Variants in KIAA1217 observed in about 807,000 individuals in gnomAD.
KIAA1217 encodes sickle tail protein homolog.
In KIAA1217, 88 loss-of-function variants were observed where a neutral mutation model predicts 163.9. The observed-to-expected ratio is 0.54, with a 90% CI of 0.45 to 0.64. The LOEUF (loss-of-function observed/expected upper bound fraction) is 0.64, where lower values mean the gene tolerates loss of function less well. KIAA1217 is among the 30% of genes least tolerant of loss of function. The probability of loss-of-function intolerance (pLI) is 0.00; values close to 1 mark genes in which losing one functional copy is unlikely to be tolerated. For synonymous variants in KIAA1217, 903 were observed against 923.1 expected (o/e 0.98, Z 0.39); for missense variants, 2,372 against 2,475.0 (o/e 0.96, Z 0.88).
chr10:23,708,777 A>G (rs1371312014), intron 1 of KIAA1217, among the ~76,000 whole-genome samples: 1 of 152,156 alleles, frequency 6.6e-6, no homozygotes, highest in Admixed American at 6.5e-5. Flanking sequence ...TAATGCAAAA[A>G]ACATATATGG....
chr10:23,751,855 G>A (rs1245811898), intron 1 of KIAA1217, among the ~76,000 whole-genome samples: 2 of 152,170 alleles, frequency 1.3e-5, no homozygotes, highest in Admixed American at 6.5e-5. Context: ...AGCTGTTCAG[G>A]CTGAGGATTT....
At chr10:24,111,724 A>T (rs993591151) in intron 2 of KIAA1217, among the ~76,000 whole-genome samples, 2 of 152,152 alleles carry the variant, frequency 1.3e-5, no homozygotes, top group African/African-American at 4.8e-5. Context: ...TTTTGCAGCA[A>T]AAATTTCAGA....
intron 2 of KIAA1217, among the ~76,000 whole-genome samples, chr10:24,066,109 G>A (rs1297592045): frequency 1.3e-5 from 2 of 152,164 alleles, no homozygotes; most frequent in Non-Finnish European, 2.9e-5. Context: ...TTGCCAGTCT[G>A]TGCCTTTTAA....
At chr10:24,113,840 C>G (rs2131751113) in intron 2 of KIAA1217, among the ~76,000 whole-genome samples, 1 of 152,310 alleles carries the variant, frequency 6.6e-6, no homozygotes, top group African/African-American at 2.4e-5. Context: ...GAACCGTTAG[C>G]AGAACCAGCT....
At chr10:23,871,771 C>T (rs191545004) in intron 1 of KIAA1217, among the ~76,000 whole-genome samples, 1 of 152,218 alleles carries the variant, frequency 6.6e-6, no homozygotes, top group Non-Finnish European at 1.5e-5. Flanking sequence ...CAGATTGTTA[C>T]AGATTCAAGA....
intron 2 of KIAA1217, among the ~76,000 whole-genome samples, chr10:24,311,534 A>C (rs1034955288): frequency 6.6e-6 from 1 of 152,222 alleles, no homozygotes; most frequent in African/African-American, 2.4e-5. Context: ...CCGAGCAGCT[A>C]TGTAAGTGAA....
intron 1 of KIAA1217, among the ~76,000 whole-genome samples, chr10:23,950,161 G>A (rs1473012801): frequency 6.6e-6 from 1 of 152,128 alleles, no homozygotes; most frequent in Non-Finnish European, 1.5e-5. Context: ...TGATAGTAGT[G>A]GTGATTTGTA....
intron 1 of KIAA1217, among the ~76,000 whole-genome samples, chr10:23,744,720 T>A (rs1209485131): frequency 6.6e-6 from 1 of 152,192 alleles, no homozygotes; most frequent in Non-Finnish European, 1.5e-5. Flanking sequence ...ACCAATAGGA[T>A]GTACTTGTAT....
chr10:24,124,229 T>G (rs1209948426), intron 2 of KIAA1217, among the ~76,000 whole-genome samples: 1 of 152,138 alleles, frequency 6.6e-6, no homozygotes, highest in Non-Finnish European at 1.5e-5. Flanking sequence ...TATGATGGCC[T>G]GTATTATCCT....
chr10:23,823,519 C>G (rs1398861868), intron 1 of KIAA1217, among the ~76,000 whole-genome samples: 1 of 152,156 alleles, frequency 6.6e-6, no homozygotes, highest in Non-Finnish European at 1.5e-5. Context: ...CCTAGGTAAT[C>G]CAGGATAACT....
intron 1 of KIAA1217, among the ~76,000 whole-genome samples, chr10:23,851,181 A>T (rs185757461): frequency 5.8e-4 from 89 of 152,148 alleles, no homozygotes; most frequent in African/African-American, 2.1e-3. Flanking sequence ...ACCTCACAAC[A>T]GTCCCCAGAG....
chr10:24,311,733 T>A (rs2042725046), intron 2 of KIAA1217, among the ~76,000 whole-genome samples: 1 of 152,144 alleles, frequency 6.6e-6, no homozygotes, highest in Non-Finnish European at 1.5e-5. Flanking sequence ...CTGTGGGAAC[T>A]TTTTGTCATC....
intron 1 of KIAA1217, among the ~76,000 whole-genome samples, chr10:23,783,659 G>T (rs1396950345): frequency 6.6e-6 from 1 of 152,066 alleles, no homozygotes; most frequent in Non-Finnish European, 1.5e-5. Context: ...TGAGTGTTTG[G>T]TAGAATTCAT....
At chr10:24,382,649 G>A (rs4330993) in intron 3 of KIAA1217, among the ~76,000 whole-genome samples, 78,286 of 151,526 alleles carry the variant, frequency 0.52, 22,775 homozygotes, top group African/African-American at 0.8. Context: ...ACTTAATTAA[G>A]TGGCAGCAGT....
At chr10:24,034,186 G>A (rs1322550479) in intron 2 of KIAA1217, among the ~76,000 whole-genome samples, 1 of 152,172 alleles carries the variant, frequency 6.6e-6, no homozygotes, top group African/African-American at 2.4e-5. Context: ...TTTTCAAAGT[G>A]ATTTGGCCCT....
chr10:24,139,159 A>G (rs1205943103), intron 2 of KIAA1217, among the ~76,000 whole-genome samples: 2 of 152,024 alleles, frequency 1.3e-5, no homozygotes, highest in Non-Finnish European at 2.9e-5. Flanking sequence ...TGCTGTTATC[A>G]CTTTTAAGCT....
At chr10:23,773,056 A>G (rs1481842007) in intron 1 of KIAA1217, among the ~76,000 whole-genome samples, 1 of 151,994 alleles carries the variant, frequency 6.6e-6, no homozygotes, top group Non-Finnish European at 1.5e-5. Context: ...GGAACCCCTG[A>G]TGGATTTAGA....
chr10:23,745,778 C>A lies in KIAA1217; in HGVS notation c.-321+50544C>A, dbSNP rs187921120. ...TGGTAGAGTGAATGATAAATCATAG[C>A]CTTGTAGATGGATGGGAGACAGGAC... is the stretch of plus-strand genomic sequence containing the variant. On this transcript the variant is annotated intron_variant, in intron 1 of 18. Coordinates refer to the KIAA1217 transcript ENST00000376462. 5.3e-5 allele frequency among the ~76,000 whole-genome samples: 8 copies of A among 152,202 alleles called. 1 individual carries two copies. The East Asian group carries it at 1.4e-3, about 26-fold the overall frequency.
At chr10:23,947,131 T>G (rs1333506295) in intron 1 of KIAA1217, among the ~76,000 whole-genome samples, 1 of 152,210 alleles carries the variant, frequency 6.6e-6, no homozygotes, top group Non-Finnish European at 1.5e-5. Flanking sequence ...CATGCTGAAC[T>G]GTGAATCAGT....
Sources: gnomAD v4.1 joint callset for allele counts (sites outside exome capture counted in the v4.1 genomes callset) on GRCh38, gnomAD v4.1.1 for gene constraint, MANE v1.5 for transcripts, NCBI Gene and HGNC (gene_info 2026-07-23, HGNC 2026-07-21) for gene names.